The following POLA1 variants were observed in gnomAD, a reference collection of about 807,000 sequenced individuals.
POLA1 encodes the protein DNA polymerase alpha 1, catalytic subunit.
Under a neutral mutation model 124.0 loss-of-function variants are expected in POLA1, and 15 were observed. That is an observed-to-expected ratio of 0.12 (90% confidence interval 0.08 to 0.19). POLA1 has a LOEUF of 0.19. Ranked by LOEUF, POLA1 falls within the 10% of genes least tolerant of loss-of-function variation. The pLI, the probability that POLA1 is intolerant of heterozygous loss-of-function variation, is 1.00. For synonymous variants in POLA1, 408 were observed against 389.4 expected (o/e 1.05, Z -0.56); for missense variants, 886 against 1,103.4 (o/e 0.80, Z 2.79).
chrX:24,804,858 G>C (rs1175144437), intron 26 of POLA1, among the ~76,000 whole-genome samples: 1 of 111,700 alleles, frequency 9.0e-6, no homozygotes, highest in Non-Finnish European at 1.9e-5. Context: ...GTGTTATCCT[G>C]AACTTATTAG....
At chrX:24,800,858 G>A (rs755212640) in intron 26 of POLA1, among the ~76,000 whole-genome samples, 1 of 112,104 alleles carries the variant, frequency 8.9e-6, no homozygotes, top group African/African-American at 3.2e-5. Context: ...ATAGTTTGTA[G>A]TATTTTAAGT....
intron 26 of POLA1, among the ~76,000 whole-genome samples, chrX:24,780,337 G>T (rs1478986288): frequency 5.3e-5 from 6 of 112,617 alleles, no homozygotes; most frequent in African/African-American, 1.3e-4. Context: ...CTGTTGAATA[G>T]AAGTGGTGAG....
At chrX:24,885,966 G>A (rs1335670937) in intron 34 of POLA1, among the ~76,000 whole-genome samples, 1 of 112,252 alleles carries the variant, frequency 8.9e-6, no homozygotes, top group Non-Finnish European at 1.9e-5. Context: ...AGTAAAACGT[G>A]AATATAAATG....
At chrX:24,821,724 T>A (rs2046090981) in intron 31 of POLA1, 141 bp downstream of exon 31, 1 of 432,874 alleles carries the variant, frequency 2.3e-6, no homozygotes. Flanking sequence ...TTAAAAAACA[T>A]TAGAGGTGTG....
chrX:24,798,811 C>T (rs1463119481), intron 26 of POLA1, among the ~76,000 whole-genome samples: 4 of 111,161 alleles, frequency 3.6e-5, no homozygotes, highest in African/African-American at 1.3e-4. Context: ...ATTCTAGAGT[C>T]ATGCCTGAAC....
intron 26 of POLA1, chrX:24,788,333 C>T (rs867709032): frequency 5.6e-6 from 5 of 897,654 alleles, no homozygotes; most frequent in South Asian, 2.8e-5. Flanking sequence ...TTTACTACTT[C>T]TTTTTTTTTT....
intron 36 of POLA1, among the ~76,000 whole-genome samples, chrX:24,958,618 A>G (rs148482787): frequency 4.9e-4 from 55 of 112,240 alleles, no homozygotes; most frequent in African/African-American, 1.7e-3. Context: ...AGTGAATTGT[A>G]TGTATTAAGA....
chrX:24,985,605 G>C (rs1412431119), intron 36 of POLA1, among the ~76,000 whole-genome samples: 1 of 111,952 alleles, frequency 8.9e-6, no homozygotes, highest in Non-Finnish European at 1.9e-5. Flanking sequence ...GAATATCCTT[G>C]TACAGGTTGA....
chrX:24,839,104 G>C (rs186018302), intron 32 of POLA1, among the ~76,000 whole-genome samples: 83 of 112,179 alleles, frequency 7.4e-4, no homozygotes, highest in African/African-American at 2.6e-3. Context: ...TGGTTTGCCT[G>C]TTGAACTTAT....
chrX:24,854,269 C>G (rs1452802390), intron 34 of POLA1, among the ~76,000 whole-genome samples: 1 of 110,652 alleles, frequency 9.0e-6, no homozygotes, highest in Non-Finnish European at 1.9e-5. Flanking sequence ...TGGTCTTGAA[C>G]TCCTGACCCA....
In POLA1 at chrX:24,996,095, G is replaced by T; in HGVS notation, c.*145G>T. Reference sequence around the variant, plus strand: ...TTTGTGTGAATGTAGACCAGGAAAGGGGGCTGCAAAAATGTTGAGTCTAAT... The same window carrying T: ...TTTGTGTGAATGTAGACCAGGAAAGTGGGCTGCAAAAATGTTGAGTCTAAT... On this transcript the variant is annotated 3_prime_UTR_variant, in exon 37 of 37. Coordinates refer to ENST00000379068, the MANE Select transcript of POLA1 (RefSeq NM_001330360.2). 1 of 497,831 alleles carries T rather than the reference G, an allele frequency of 2.0e-6. No homozygotes were observed. The highest frequency in any genetic ancestry group is 4.2e-5 in the South Asian group (1 of 23,893). 41.0% of individuals were successfully genotyped at this position (497,831 alleles called of 1,213,427 possible).
chrX:24,855,055 ATTAGT>A (rs1033616417), intron 34 of POLA1, among the ~76,000 whole-genome samples: 5 of 111,687 alleles, frequency 4.5e-5, no homozygotes, highest in African/African-American at 1.6e-4. Context: ...GAGGAAACAG[ATTAGT>A]ATATAAGGAA....
At chrX:24,946,203 T>G (rs1050947081) in intron 36 of POLA1, among the ~76,000 whole-genome samples, 9 of 111,208 alleles carry the variant, frequency 8.1e-5, no homozygotes, top group Non-Finnish European at 1.7e-4. Flanking sequence ...CCACCTCCTG[T>G]CCTCTTCTAC....
At position 24,942,000 on chromosome X, in the gene POLA1, C is replaced by G. The variant is rs199844438; in HGVS notation, c.4261+11451C>G. 1.9e-4 allele frequency among the ~76,000 whole-genome samples: 21 copies of G among 112,268 alleles called. No individual in the cohort carries two copies. In the East Asian group the frequency reaches 3.6e-3, roughly 19 times the overall value. On this transcript the variant is annotated intron_variant, in intron 36 of 36. Coordinates refer to ENST00000379068, the MANE Select transcript of POLA1 (RefSeq NM_001330360.2). ...GTGTAAGTCTGTTACTCTCTGTCCC[C>G]TCTTCGTGCCCTGAACCCTTGCCCA...
chrX:24,979,705 T>G, intron 36 of POLA1, among the ~76,000 whole-genome samples: 1 of 111,944 alleles, frequency 8.9e-6, no homozygotes, highest in South Asian at 3.7e-4. Flanking sequence ...GAAACAAAAA[T>G]GGAAATGCCT....
At chrX:24,834,474 T>C (rs887543610) in intron 32 of POLA1, among the ~76,000 whole-genome samples, 1 of 112,138 alleles carries the variant, frequency 8.9e-6, no homozygotes, top group Non-Finnish European at 1.9e-5. Context: ...ATCTGTAGTA[T>C]TTTAAAAACT....
intron 32 of POLA1, among the ~76,000 whole-genome samples, chrX:24,835,095 T>C (rs1253177668): frequency 9.2e-6 from 1 of 108,688 alleles, no homozygotes; most frequent in Non-Finnish European, 1.9e-5. Flanking sequence ...TCACCCAGGC[T>C]GGAGTGCAGT....
chrX:24,947,292 G>A (rs1203045213), intron 36 of POLA1, among the ~76,000 whole-genome samples: 1 of 59,205 alleles, frequency 1.7e-5, no homozygotes, highest in African/African-American at 6.7e-5. Flanking sequence ...TTTTGAGACA[G>A]AGTCTCACTC....
At chrX:24,987,812 T>G (rs147802824) in intron 36 of POLA1, among the ~76,000 whole-genome samples, 4 of 111,342 alleles carry the variant, frequency 3.6e-5, no homozygotes, top group African/African-American at 1.3e-4. Context: ...CTTGCCTTCA[T>G]GTCAGGATTT....
Sources: allele counts gnomAD v4.1 joint callset (sites outside exome capture counted in the v4.1 genomes callset), GRCh38; gene constraint gnomAD v4.1.1; transcripts MANE v1.5; gene names NCBI Gene and HGNC (gene_info 2026-07-23, HGNC 2026-07-21).